SPATA17: variants seen among roughly 807,000 people sequenced by gnomAD.
SPATA17 encodes spermatogenesis associated 17.
In SPATA17, 53 loss-of-function variants were observed where a neutral mutation model predicts 62.2. That is an observed-to-expected ratio of 0.85 (90% confidence interval 0.68 to 1.07). The LOEUF is 1.07. Ranked by LOEUF, SPATA17 falls within the 50% of genes least tolerant of loss-of-function variation. SPATA17 has a pLI of 0.00. For synonymous variants in SPATA17, 146 were observed against 146.8 expected, an observed-to-expected ratio of 0.99 and a Z score of 0.04; for missense variants, 466 against 425.5, an observed-to-expected ratio of 1.10 and a Z score of -0.84.
chr1:217,790,476 T>A (rs1475981628), intron 8 of SPATA17, among the ~76,000 whole-genome samples: 2 of 152,192 alleles, frequency 1.3e-5, no homozygotes, highest in Non-Finnish European at 2.9e-5. Flanking sequence ...AGTCTTGCTC[T>A]GTTGCCCAGG....
intron 9 of SPATA17, among the ~76,000 whole-genome samples, chr1:217,852,975 T>C (rs1274995159): frequency 6.6e-6 from 1 of 152,196 alleles, no homozygotes; most frequent in Admixed American, 6.5e-5. Flanking sequence ...GTTTCTTCTC[T>C]GTGTCTCCTC....
chr1:217,707,107 G>A (rs929777639), intron 5 of SPATA17, among the ~76,000 whole-genome samples: 8 of 151,662 alleles, frequency 5.3e-5, no homozygotes, highest in Admixed American at 2.6e-4. Context: ...CCTCGTAATC[G>A]GCCCACCTCA....
At chr1:217,711,224 A>G (rs1671854542) in intron 5 of SPATA17, among the ~76,000 whole-genome samples, 1 of 152,180 alleles carries the variant, frequency 6.6e-6, no homozygotes, top group Non-Finnish European at 1.5e-5. Flanking sequence ...TTTGGTGTAC[A>G]TATTATTTCA....
At chr1:217,707,082 G>A (rs1474817638) in intron 5 of SPATA17, among the ~76,000 whole-genome samples, 1 of 152,096 alleles carries the variant, frequency 6.6e-6, no homozygotes, top group African/African-American at 2.4e-5. Context: ...GGTCCGGCTT[G>A]TCTTGAACTC....
intron 10 of SPATA17, among the ~76,000 whole-genome samples, chr1:217,865,504 G>A (rs537119271): frequency 6.6e-6 from 1 of 152,186 alleles, no homozygotes; most frequent in African/African-American, 2.4e-5. Flanking sequence ...TGTCTGACTA[G>A]GATAACATTA....
chr1:217,774,262 C>A (rs1193355648), intron 6 of SPATA17, 72 bp from the exon 7 acceptor site: 2 of 1,309,104 alleles, frequency 1.5e-6, no homozygotes, highest in Non-Finnish European at 2.1e-6. Flanking sequence ...GAAAAAATTT[C>A]ATGGTACAAC....
intron 7 of SPATA17, among the ~76,000 whole-genome samples, chr1:217,775,957 A>G (rs1673581507): frequency 6.6e-6 from 1 of 152,046 alleles, no homozygotes; most frequent in South Asian, 2.1e-4. Context: ...TTATACCACT[A>G]CTTGTTATAA....
intron 9 of SPATA17, among the ~76,000 whole-genome samples, chr1:217,838,346 C>G (rs1241205615): frequency 6.6e-6 from 1 of 151,970 alleles, no homozygotes; most frequent in Non-Finnish European, 1.5e-5. Context: ...CGCTTTAAGA[C>G]TTTTGCCCTC....
At chr1:217,845,350 T>G (rs1675499544) in intron 9 of SPATA17, among the ~76,000 whole-genome samples, 1 of 152,104 alleles carries the variant, frequency 6.6e-6, no homozygotes, top group South Asian at 2.1e-4. Context: ...TGCTTCTGTC[T>G]CTTTGGATCG....
chr1:217,752,316 C>T (rs534587532), intron 6 of SPATA17, among the ~76,000 whole-genome samples: 65 of 152,262 alleles, frequency 4.3e-4, no homozygotes, highest in African/African-American at 1.4e-3. Context: ...GCATGAGCCA[C>T]CACACCTGGC....
chr1:217,696,551 T>G (rs141385313), intron 5 of SPATA17, among the ~76,000 whole-genome samples: 2 of 152,352 alleles, frequency 1.3e-5, no homozygotes, highest in East Asian at 1.9e-4. Flanking sequence ...CTTTTTAAAA[T>G]TTGCCTAATC....
intron 5 of SPATA17, among the ~76,000 whole-genome samples, chr1:217,714,193 G>T (rs1160348882): frequency 6.6e-6 from 1 of 152,034 alleles, no homozygotes; most frequent in Non-Finnish European, 1.5e-5. Flanking sequence ...TTCGAGACCA[G>T]ACTGGCCAAC....
chr1:217,707,776 A>G (rs1671769500), intron 5 of SPATA17, among the ~76,000 whole-genome samples: 1 of 152,232 alleles, frequency 6.6e-6, no homozygotes, highest in Non-Finnish European at 1.5e-5. Flanking sequence ...CACATGGTAC[A>G]TACTCTAAAA....
chr1:217,871,395 T>C lies in SPATA17; in HGVS notation c.*4376T>C, dbSNP rs557551489. 4 of 152,246 alleles carry C rather than the reference T, an allele frequency of 2.6e-5. No homozygotes were observed. The highest frequency in any genetic ancestry group is 6.5e-5 in the Admixed American group (1 of 15,272). 9.4% of individuals were successfully genotyped at this position (152,246 alleles called of 1,614,324 possible). A position where few individuals can be genotyped will look rare whatever the true frequency, so the allele number is the denominator to read the frequency against. ...TTATTATTTTTTTTCAACCTCAGCT[T>C]TTAACTTTGCCCTGATTTTCTCTTC... On this transcript the variant is annotated 3_prime_UTR_variant, in exon 11 of 11. Coordinates refer to ENST00000366933, the MANE Select transcript of SPATA17 (RefSeq NM_138796.4).
At chr1:217,646,134 G>T (rs761684463) in intron 1 of SPATA17, among the ~76,000 whole-genome samples, 68 of 151,868 alleles carry the variant, frequency 4.5e-4, no homozygotes, top group Non-Finnish European at 7.5e-4. Context: ...CTTTTGCCTT[G>T]GCTTCAACTA....
intron 6 of SPATA17, among the ~76,000 whole-genome samples, chr1:217,753,533 G>A (rs1672965833): frequency 2.0e-5 from 3 of 151,730 alleles, no homozygotes; most frequent in African/African-American, 7.3e-5. Flanking sequence ...AGTAGATTCG[G>A]TGCCTTTTTT....
chr1:217,775,713 T>C (rs1241644136), intron 7 of SPATA17, among the ~76,000 whole-genome samples: 1 of 152,052 alleles, frequency 6.6e-6, no homozygotes, highest in Non-Finnish European at 1.5e-5. Flanking sequence ...AGAGAGAGTC[T>C]ATAATCTATC....
At chr1:217,734,262 G>A (rs758286140) in intron 5 of SPATA17, among the ~76,000 whole-genome samples, 8 of 152,094 alleles carry the variant, frequency 5.3e-5, no homozygotes, top group Non-Finnish European at 7.4e-5. Context: ...AACATATTCA[G>A]AGCAGACAAT....
At chr1:217,638,837 T>C (rs1669995479) in intron 1 of SPATA17, among the ~76,000 whole-genome samples, 1 of 152,066 alleles carries the variant, frequency 6.6e-6, no homozygotes, top group African/African-American at 2.4e-5. Context: ...AAAAATGTAA[T>C]AGATGAATTA....
Sources: allele counts gnomAD v4.1 joint callset (sites outside exome capture counted in the v4.1 genomes callset), GRCh38; gene constraint gnomAD v4.1.1; transcripts MANE v1.5; gene names NCBI Gene and HGNC (gene_info 2026-07-23, HGNC 2026-07-21).